The following NALF1 variants were observed in gnomAD, a reference collection of about 807,000 sequenced individuals.
The protein encoded by NALF1 is NALCN channel auxiliary factor 1.
In NALF1, 3 loss-of-function variants were observed where a neutral mutation model predicts 48.4. The observed-to-expected ratio is 0.06, with a 90% CI of 0.03 to 0.16. NALF1 has a LOEUF of 0.16. NALF1 is among the 10% of genes least tolerant of loss of function. NALF1 has a pLI of 1.00. For missense variants in NALF1, 526 were observed against 571.5 expected (o/e 0.92, Z 0.81); for synonymous variants, 262 against 245.7 (o/e 1.07, Z -0.62).
intron 1 of NALF1, among the ~76,000 whole-genome samples, chr13:107,775,262 G>A (rs1013777388): frequency 1.5e-5 from 2 of 136,824 alleles, no homozygotes; most frequent in African/African-American, 5.6e-5. Flanking sequence ...GTGTCCATGT[G>A]TTCCCATTGT....
At chr13:107,553,096 G>A (rs749596020) in intron 1 of NALF1, among the ~76,000 whole-genome samples, 1 of 151,966 alleles carries the variant, frequency 6.6e-6, no homozygotes, top group Non-Finnish European at 1.5e-5. Context: ...TATAGTAAAT[G>A]AAAAGCAACA....
intron 2 of NALF1, among the ~76,000 whole-genome samples, chr13:107,194,454 C>T (rs529451294): frequency 1.1e-4 from 17 of 152,082 alleles, no homozygotes; most frequent in African/African-American, 3.1e-4. Context: ...ACAAAGCATA[C>T]GAAAATATAA....
Position 107,213,752 on chromosome 13 carries a change from T to G in NALF1, c.916-2997A>C, listed in dbSNP as rs117397338. Among the ~76,000 whole-genome samples the G allele has an allele frequency of 5.9e-5, 9 of 152,322 alleles. No individual in the cohort carries two copies. In the East Asian group the frequency reaches 1.5e-3, roughly 26 times the overall value. ...TCGCATGGGAAGTAAACAAAAATTC[T>G]TCTAGAATCTTGAAAATGATTACTT... On this transcript the variant is annotated intron_variant, in intron 1 of 2. Transcript: ENST00000375915.
intron 1 of NALF1, among the ~76,000 whole-genome samples, chr13:107,521,028 C>T (rs1035584763): frequency 5.9e-5 from 9 of 152,138 alleles, no homozygotes; most frequent in African/African-American, 1.4e-4. Flanking sequence ...TGAGGTCATA[C>T]ATCTAAACAT....
At chr13:107,333,222 T>G (rs1221521286) in intron 1 of NALF1, among the ~76,000 whole-genome samples, 1 of 152,170 alleles carries the variant, frequency 6.6e-6, no homozygotes, top group East Asian at 1.9e-4. Context: ...AACATTGAAC[T>G]CATGGCCAAC....
At chr13:107,788,011 G>A (rs1433155062) in intron 1 of NALF1, among the ~76,000 whole-genome samples, 2 of 152,174 alleles carry the variant, frequency 1.3e-5, no homozygotes, top group Admixed American at 6.5e-5. Flanking sequence ...CAAAGTCAGC[G>A]TGTCCTGAGT....
intron 1 of NALF1, among the ~76,000 whole-genome samples, chr13:107,475,349 A>C (rs1360635282): frequency 6.6e-6 from 1 of 152,154 alleles, no homozygotes; most frequent in African/African-American, 2.4e-5. Flanking sequence ...ATCTTCTAGA[A>C]ACTGTACTTT....
At chr13:107,366,265 A>G (rs1013465787) in intron 1 of NALF1, among the ~76,000 whole-genome samples, 3 of 152,230 alleles carry the variant, frequency 2.0e-5, no homozygotes, top group Non-Finnish European at 4.4e-5. Context: ...TAATACAAAA[A>G]AAATAGGTTA....
chr13:107,666,308 T>G (rs1299018212), intron 1 of NALF1, among the ~76,000 whole-genome samples: 2 of 152,164 alleles, frequency 1.3e-5, no homozygotes, highest in African/African-American at 4.8e-5. Context: ...GGTGGTCCAC[T>G]TTTGCTTTGA....
intron 1 of NALF1, among the ~76,000 whole-genome samples, chr13:107,590,302 C>T (rs1309936850): frequency 6.6e-6 from 1 of 151,948 alleles, no homozygotes; most frequent in Admixed American, 6.6e-5. Context: ...AGTTCATTAA[C>T]TTCTAAATTT....
chr13:107,644,642 C>CATATATATATATATATATATAT (rs371201609), intron 1 of NALF1, among the ~76,000 whole-genome samples: 1,751 of 91,138 alleles, frequency 0.019, 104 homozygotes, highest in Non-Finnish European at 0.024. Flanking sequence ...TACATACATA[C>CATATATATATATATATATATAT]ATACATATAT....
intron 1 of NALF1, among the ~76,000 whole-genome samples, chr13:107,431,352 A>G (rs563870585): frequency 2.0e-5 from 3 of 152,158 alleles, no homozygotes; most frequent in Non-Finnish European, 4.4e-5. Context: ...TTGATGTTTC[A>G]GTGTAACTAT....
At chr13:107,590,076 C>T (rs1009783715) in intron 1 of NALF1, among the ~76,000 whole-genome samples, 8 of 151,978 alleles carry the variant, frequency 5.3e-5, no homozygotes, top group African/African-American at 1.9e-4. Flanking sequence ...TTATAATAGT[C>T]ATGAGTACTA....
chr13:107,245,874 T>C (rs1349152751), intron 1 of NALF1, among the ~76,000 whole-genome samples: 1 of 152,154 alleles, frequency 6.6e-6, no homozygotes, highest in Non-Finnish European at 1.5e-5. Flanking sequence ...TCTACTGAGA[T>C]CTGGCCCCAC....
rs185500512 is a variant in NALF1, at chr13:107,773,859, C to G, written c.915+91823G>C. ...AAACCTGCACATTGCGCACATGTAC[C>G]TTAAAACATAAAGTATAATAATAAT... On this transcript the variant is annotated intron_variant, in intron 1 of 2. Coordinates refer to ENST00000375915, the MANE Select transcript of NALF1 (RefSeq NM_001080396.3). Among the ~76,000 whole-genome samples, 122 of 151,976 alleles carry G rather than the reference C, an allele frequency of 8.0e-4. 3 individuals carry two copies. Among genetic ancestry groups the G allele is most frequent in the Non-Finnish European group, 7.4e-5 (5 of 67,972 alleles).
intron 1 of NALF1, among the ~76,000 whole-genome samples, chr13:107,550,180 T>C (rs889260516): frequency 3.9e-5 from 6 of 152,058 alleles, no homozygotes; most frequent in African/African-American, 9.7e-5. Context: ...GGATAATGAT[T>C]CCTCTCTTTG....
intron 1 of NALF1, among the ~76,000 whole-genome samples, chr13:107,310,330 A>C (rs1386502736): frequency 1.3e-5 from 2 of 151,730 alleles, no homozygotes; most frequent in Non-Finnish European, 2.9e-5. Context: ...GAATCACTTG[A>C]ACTCGGCAAG....
chr13:107,224,493 C>A (rs1279940998), intron 1 of NALF1, among the ~76,000 whole-genome samples: 1 of 149,632 alleles, frequency 6.7e-6, no homozygotes, highest in Non-Finnish European at 1.5e-5. Flanking sequence ...ATTTTCAGCC[C>A]CAAATTGGCA....
At chr13:107,384,170 T>C (rs549453415) in intron 1 of NALF1, among the ~76,000 whole-genome samples, 1 of 152,276 alleles carries the variant, frequency 6.6e-6, no homozygotes, top group African/African-American at 2.4e-5. Flanking sequence ...GAAGGATCAC[T>C]TGAGCCCAGG....
Sources: allele counts gnomAD v4.1 joint callset (sites outside exome capture counted in the v4.1 genomes callset), GRCh38; gene constraint gnomAD v4.1.1; transcripts MANE v1.5; gene names NCBI Gene and HGNC (gene_info 2026-07-23, HGNC 2026-07-21).